CCDC146: variants seen among roughly 807,000 people sequenced by gnomAD.
CCDC146 encodes the protein coiled-coil domain-containing protein 146.
A neutral mutation model predicts 119.3 loss-of-function variants in CCDC146; 92 were observed. The observed-to-expected ratio is 0.77, with a 90% CI of 0.65 to 0.92. The LOEUF is 0.92. Ranked by LOEUF, CCDC146 falls within the 40% of genes least tolerant of loss-of-function variation. CCDC146 has a pLI of 0.00. For missense variants in CCDC146, 1,000 were observed against 1,103.0 expected (o/e 0.91, Z 1.32); for synonymous variants, 372 against 371.8 (o/e 1.00, Z -0.01).
intron 9 of CCDC146, among the ~76,000 whole-genome samples, chr7:77,267,309 T>C (rs1435773609): frequency 2.0e-5 from 3 of 152,142 alleles, no homozygotes; most frequent in African/African-American, 7.2e-5. Context: ...TGCAAAGGAT[T>C]CTGAGGCCCA....
intron 2 of CCDC146, among the ~76,000 whole-genome samples, chr7:77,210,993 T>C (rs1189310186): frequency 2.8e-4 from 42 of 152,188 alleles, no homozygotes; most frequent in Admixed American, 2.7e-3. Flanking sequence ...AGCATGAGAT[T>C]TGGTCAGGGA....
rs1794020582 is a variant in CCDC146, at chr7:77,295,159, C to T, written c.*293C>T. On this transcript the variant is annotated 3_prime_UTR_variant, in exon 19 of 19. Transcript: ENST00000285871. ...GTACATTCCAGAAATTTGTAGTAGG[C>T]AAGGTGCTATAAAAATGCACTAAAA... 9 of 267,946 alleles carry T rather than the reference C, an allele frequency of 3.4e-5. No homozygotes were observed. The South Asian group carries it at 5.0e-4, about 15-fold the overall frequency. The allele number at this position is 267,946 out of a possible 1,614,324, so 16.6% of individuals were successfully genotyped here.
rs74659077 is a variant in CCDC146, at chr7:77,246,834, A to G, written c.449+4934A>G. On this transcript the variant is annotated intron_variant, in intron 4 of 18. Coordinates refer to ENST00000285871, the MANE Select transcript of CCDC146 (RefSeq NM_020879.3). Reference sequence around the variant, plus strand: ...ACTCCTCAGTTTCTTCATTTGTACAACAAAAATCACAATTCCTACTTAGCA... The same window carrying G: ...ACTCCTCAGTTTCTTCATTTGTACAGCAAAAATCACAATTCCTACTTAGCA... Among the ~76,000 whole-genome samples, 389 of 152,310 alleles carry G rather than the reference A, an allele frequency of 2.6e-3. 3 individuals carry two copies. The highest frequency in any genetic ancestry group is 9.1e-3 in the African/African-American group (380 of 41,570).
At position 77,188,280 on chromosome 7, in the gene CCDC146, T is replaced by TG. The variant is rs1272002012; in HGVS notation, c.156+20456_156+20457insG. On this transcript the variant is annotated intron_variant, in intron 2 of 18. Coordinates refer to ENST00000285871, the MANE Select transcript of CCDC146 (RefSeq NM_020879.3). ...TGATTATTATGCATTGTATCCTCTA[T>TG]CAAAATATCTCATGTAGCGCATAAA... is the stretch of plus-strand genomic sequence containing the variant. 1.2e-4 allele frequency among the ~76,000 whole-genome samples: 19 copies of TG among 152,258 alleles called. No individual in the cohort carries two copies. In the South Asian group the frequency reaches 3.5e-3, roughly 28 times the overall value.
chr7:77,249,202 A>C (rs1283432522), intron 4 of CCDC146, among the ~76,000 whole-genome samples: 1 of 152,144 alleles, frequency 6.6e-6, no homozygotes, highest in Non-Finnish European at 1.5e-5. Context: ...ATATATTAAG[A>C]ATCCACTGGC....
In CCDC146 at chr7:77,295,001, T is replaced by C. The variant is rs1445353496; in HGVS notation, c.*135T>C. The C allele has an allele frequency of 7.3e-6, 5 of 682,556 alleles. No homozygotes were observed. Among genetic ancestry groups the C allele is most frequent in the Admixed American group, 2.9e-5 (1 of 34,784 alleles). 42.3% of individuals were successfully genotyped at this position (682,556 alleles called of 1,614,324 possible). On this transcript the variant is annotated 3_prime_UTR_variant, in exon 19 of 19. Transcript: ENST00000285871. ...TAACCACAATTAGTCAGCAACAGAGTACAACAGGGTTTCTATTTACCCACC... is the reference window on the plus strand; with the variant it reads ...TAACCACAATTAGTCAGCAACAGAGCACAACAGGGTTTCTATTTACCCACC...
intron 4 of CCDC146, among the ~76,000 whole-genome samples, chr7:77,250,806 G>A (rs879669821): frequency 6.9e-6 from 1 of 145,038 alleles, no homozygotes; most frequent in African/African-American, 2.5e-5. Context: ...AGAGTTCTTG[G>A]ATATTCTGGT....
chr7:77,236,188 C>T (rs1441636469), intron 2 of CCDC146, among the ~76,000 whole-genome samples: 7 of 152,174 alleles, frequency 4.6e-5, no homozygotes, highest in Non-Finnish European at 1.0e-4. Context: ...TACAAATGCT[C>T]ATTGCATTAT....
intron 2 of CCDC146, among the ~76,000 whole-genome samples, chr7:77,173,765 T>C (rs1325403950): frequency 6.6e-6 from 1 of 152,032 alleles, no homozygotes; most frequent in Non-Finnish European, 1.5e-5. Context: ...CTCCAGACTT[T>C]TTTTTGTCCT....
chr7:77,265,765 A>G (rs1793390218), intron 9 of CCDC146, among the ~76,000 whole-genome samples: 1 of 152,266 alleles, frequency 6.6e-6, no homozygotes, highest in Admixed American at 6.5e-5. Context: ...TAAGAGACAT[A>G]TGCAAGTAGG....
chr7:77,140,667 A>G (rs2117416098), intron 1 of CCDC146, among the ~76,000 whole-genome samples: 1 of 152,300 alleles, frequency 6.6e-6, no homozygotes, highest in South Asian at 2.1e-4. Flanking sequence ...TGAAGGACGC[A>G]TTCAGTCAAT....
intron 2 of CCDC146, among the ~76,000 whole-genome samples, chr7:77,200,199 G>A (rs1385220600): frequency 6.6e-6 from 1 of 152,158 alleles, no homozygotes; most frequent in African/African-American, 2.4e-5. Context: ...ACTGTCTATA[G>A]AACAGAAACG....
At chr7:77,157,852 T>G (rs1394262026) in intron 1 of CCDC146, among the ~76,000 whole-genome samples, 1 of 152,162 alleles carries the variant, frequency 6.6e-6, no homozygotes, top group African/African-American at 2.4e-5. Context: ...ATTTTTTGAT[T>G]AACTTGTCTT....
intron 16 of CCDC146, 65 bp downstream of exon 16, chr7:77,286,991 T>C (rs1236508055): frequency 1.8e-5 from 28 of 1,528,284 alleles, no homozygotes; most frequent in African/African-American, 2.7e-5. Context: ...CAGATACCTA[T>C]GGTACTGTTT....
chr7:77,130,597 CT>C (rs34309739), intron 1 of CCDC146, among the ~76,000 whole-genome samples: 31,623 of 125,554 alleles, frequency 0.25, 3,051 homozygotes, highest in African/African-American at 0.38. Context: ...TCCTTTCTTT[CT>C]TTTTTTTTTT....
At chr7:77,145,332 T>G (rs1042574932) in intron 1 of CCDC146, among the ~76,000 whole-genome samples, 1 of 151,618 alleles carries the variant, frequency 6.6e-6, no homozygotes, top group Non-Finnish European at 1.5e-5. Context: ...GTCTTGCTAG[T>G]GGTCTATCAA....
intron 1 of CCDC146, among the ~76,000 whole-genome samples, chr7:77,140,839 G>A (rs930233034): frequency 6.6e-6 from 1 of 151,984 alleles, no homozygotes; most frequent in Admixed American, 6.6e-5. Flanking sequence ...TATCAATATT[G>A]ATATATCGAT....
intron 2 of CCDC146, chr7:77,194,165 T>TG (rs1330848945): frequency 3.9e-5 from 6 of 152,100 alleles, no homozygotes; most frequent in African/African-American, 1.4e-4. Context: ...ATTAAATTAA[T>TG]GGACACCGTG....
intron 1 of CCDC146, among the ~76,000 whole-genome samples, chr7:77,150,517 A>G (rs1791094680): frequency 6.6e-6 from 1 of 152,206 alleles, no homozygotes. Context: ...TACTAGTACA[A>G]TTTCACTAGG....
Sources: gnomAD v4.1 joint callset for allele counts (sites outside exome capture counted in the v4.1 genomes callset) on GRCh38, gnomAD v4.1.1 for gene constraint, MANE v1.5 for transcripts, NCBI Gene and HGNC (gene_info 2026-07-23, HGNC 2026-07-21) for gene names.